GRM7: variants seen among roughly 807,000 people sequenced by gnomAD.
GRM7 encodes the protein metabotropic glutamate receptor 7.
In GRM7, 35 loss-of-function variants were observed where a neutral mutation model predicts 84.5. That is an observed-to-expected ratio of 0.41 (90% CI 0.32 to 0.55). GRM7 has a LOEUF of 0.55. GRM7 is among the 20% of genes least tolerant of loss of function. The pLI is 0.19. For missense variants in GRM7, 1,003 were observed against 1,194.6 expected (o/e 0.84, Z 2.36); for synonymous variants, 487 against 455.1 (o/e 1.07, Z -0.89).
chr3:7,571,113 C>G (rs1694635405), intron 7 of GRM7, among the ~76,000 whole-genome samples: 1 of 152,148 alleles, frequency 6.6e-6, no homozygotes, highest in Non-Finnish European at 1.5e-5. Flanking sequence ...CTTTTTCCAC[C>G]TAGGCCTCCA....
chr3:7,247,010 A>T (rs895398215), intron 2 of GRM7, among the ~76,000 whole-genome samples: 1 of 152,182 alleles, frequency 6.6e-6, no homozygotes, highest in African/African-American at 2.4e-5. Context: ...CAGACCAAAC[A>T]TATCAACTGA....
intron 1 of GRM7, among the ~76,000 whole-genome samples, chr3:7,079,500 C>A (rs750525023): frequency 6.6e-6 from 1 of 150,792 alleles, no homozygotes; most frequent in Non-Finnish European, 1.5e-5. Flanking sequence ...ATGATTGGTA[C>A]GTTTGAAACA....
intron 2 of GRM7, among the ~76,000 whole-genome samples, chr3:7,250,825 A>G: frequency 6.6e-6 from 1 of 152,164 alleles, no homozygotes; most frequent in East Asian, 1.9e-4. Flanking sequence ...CATCAAGCCA[A>G]TATTATATAT....
chr3:7,571,536 T>C (rs545171895), intron 7 of GRM7, among the ~76,000 whole-genome samples: 2 of 152,316 alleles, frequency 1.3e-5, no homozygotes, highest in East Asian at 3.9e-4. Flanking sequence ...CATCTCCATC[T>C]GACACCTCCT....
intron 4 of GRM7, among the ~76,000 whole-genome samples, chr3:7,394,733 G>A (rs1456662194): frequency 6.6e-6 from 1 of 152,048 alleles, no homozygotes; most frequent in Admixed American, 6.6e-5. Flanking sequence ...ACCTGAGTTT[G>A]AATTCATTAA....
At chr3:7,056,628 G>A (rs769350930) in intron 1 of GRM7, among the ~76,000 whole-genome samples, 5 of 151,904 alleles carry the variant, frequency 3.3e-5, no homozygotes, top group Admixed American at 6.6e-5. Context: ...TAGCTACTAC[G>A]GAAGATAACT....
chr3:7,360,339 A>C (rs887353845), intron 4 of GRM7, among the ~76,000 whole-genome samples: 5 of 129,910 alleles, frequency 3.8e-5, no homozygotes, highest in African/African-American at 1.6e-4. Flanking sequence ...CTTTTAAAGA[A>C]GGAAGACAAT....
intron 1 of GRM7, among the ~76,000 whole-genome samples, chr3:6,867,089 A>G (rs1331305671): frequency 6.6e-6 from 1 of 152,144 alleles, no homozygotes; most frequent in African/African-American, 2.4e-5. Context: ...ATTCAACTAT[A>G]TCTGAATCTA....
At chr3:7,204,016 A>T (rs1014942575) in intron 2 of GRM7, among the ~76,000 whole-genome samples, 1 of 152,198 alleles carries the variant, frequency 6.6e-6, no homozygotes, top group Admixed American at 6.5e-5. Flanking sequence ...TATAATATTT[A>T]TGATTGGAAA....
intron 1 of GRM7, among the ~76,000 whole-genome samples, chr3:6,922,731 A>G (rs1012169427): frequency 6.6e-6 from 1 of 152,254 alleles, no homozygotes; most frequent in African/African-American, 2.4e-5. Flanking sequence ...TTAACACATT[A>G]TAATTCATCT....
intron 5 of GRM7, among the ~76,000 whole-genome samples, chr3:7,444,704 C>G (rs762531438): frequency 2.2e-4 from 33 of 152,106 alleles, no homozygotes; most frequent in Non-Finnish European, 4.4e-4. Context: ...CCACCATCCA[C>G]CCCCTGCTCC....
At chr3:7,405,226 G>A (rs1014787326) in intron 4 of GRM7, among the ~76,000 whole-genome samples, 3 of 152,122 alleles carry the variant, frequency 2.0e-5, no homozygotes, top group African/African-American at 4.8e-5. Flanking sequence ...ATCAAGGATA[G>A]TATATAAGTT....
intron 1 of GRM7, among the ~76,000 whole-genome samples, chr3:7,145,392 G>A (rs1227174201): frequency 2.0e-5 from 3 of 152,148 alleles, no homozygotes; most frequent in South Asian, 2.1e-4. Context: ...GCTTTGAAGA[G>A]GTAACTAGCA....
intron 2 of GRM7, among the ~76,000 whole-genome samples, chr3:7,168,223 G>T (rs759932982): frequency 6.6e-6 from 1 of 152,072 alleles, no homozygotes; most frequent in Non-Finnish European, 1.5e-5. Flanking sequence ...CTTTGCAAAT[G>T]TGCAATTATG....
At chr3:7,086,164 G>A (rs1698453005) in intron 1 of GRM7, among the ~76,000 whole-genome samples, 1 of 152,020 alleles carries the variant, frequency 6.6e-6, no homozygotes, top group South Asian at 2.1e-4. Context: ...TTCTAGTTAC[G>A]TTCACTGGAG....
At chr3:7,643,098 G>A (rs892939287) in intron 8 of GRM7, among the ~76,000 whole-genome samples, 1 of 152,100 alleles carries the variant, frequency 6.6e-6, no homozygotes. Flanking sequence ...CTGGGTGATT[G>A]TTCAACATGC....
At chr3:7,382,367 CTTTTG>C (rs1392662095) in intron 4 of GRM7, among the ~76,000 whole-genome samples, 2 of 151,976 alleles carry the variant, frequency 1.3e-5, no homozygotes, top group Non-Finnish European at 2.9e-5. Flanking sequence ...ACTTTTTCTT[CTTTTG>C]TTTTGATAGA....
At chr3:6,924,081 A>G (rs533941495) in intron 1 of GRM7, among the ~76,000 whole-genome samples, 2 of 152,320 alleles carry the variant, frequency 1.3e-5, no homozygotes, top group South Asian at 2.1e-4. Flanking sequence ...TCTGAATCTC[A>G]GTTCCTCTTC....
intron 8 of GRM7, among the ~76,000 whole-genome samples, chr3:7,612,076 C>G (rs1696874784): frequency 6.6e-6 from 1 of 151,972 alleles, no homozygotes; most frequent in South Asian, 2.1e-4. Context: ...CTTCTCACAC[C>G]CTTCTGAAAG....
Sources: allele counts gnomAD v4.1 joint callset (sites outside exome capture counted in the v4.1 genomes callset), GRCh38; gene constraint gnomAD v4.1.1; transcripts MANE v1.5; gene names NCBI Gene and HGNC (gene_info 2026-07-23, HGNC 2026-07-21).